CP: variants seen among roughly 807,000 people sequenced by gnomAD.
CP encodes ceruloplasmin.
CP carries 64 observed loss-of-function variants against 122.4 expected under a neutral mutation model. That is an observed-to-expected ratio of 0.52 (90% CI 0.43 to 0.64). CP has a LOEUF of 0.64. Among genes scored for constraint, CP ranks in the 30% least tolerant of loss-of-function variants. The pLI is 0.00. For missense variants in CP, 1,167 were observed against 1,284.4 expected, an observed-to-expected ratio of 0.91 and a Z score of 1.40; for synonymous variants, 440 against 436.4, an observed-to-expected ratio of 1.01 and a Z score of -0.10.
chr3:149,212,308 T>TA (rs1728167250), intron 2 of CP, 143 bp downstream of exon 2: 216 of 838,350 alleles, frequency 2.6e-4, no homozygotes, highest in East Asian at 1.1e-3. Context: ...TCAAAAAAAA[T>TA]TAAAAAAAAA....
intron 9 of CP, among the ~76,000 whole-genome samples, chr3:149,198,163 A>G (rs1238579515): frequency 6.6e-6 from 1 of 152,204 alleles, no homozygotes; most frequent in African/African-American, 2.4e-5. Context: ...TTGATTGGCT[A>G]TTTGATAACT....
intron 14 of CP, 130 bp from the exon 15 acceptor site, chr3:149,179,792 A>G: frequency 4.4e-6 from 3 of 683,110 alleles, no homozygotes; most frequent in African/African-American, 1.8e-5. Flanking sequence ...TGTCAGTGTA[A>G]TTAGTTTTTA....
Position 149,174,669 on chromosome 3 carries a change from A to G in CP, c.3182-939T>C, listed in dbSNP as rs1010677206. ...AATATATAGTCCCTGCCTGTAAGAA[A>G]TTTAAAGCTAAGCAGGCTTTTCTAA... is the stretch of plus-strand genomic sequence containing the variant. On this transcript the variant is annotated intron_variant, in intron 18 of 18. Coordinates refer to ENST00000264613, the MANE Select transcript of CP (RefSeq NM_000096.4). 3.3e-5 allele frequency among the ~76,000 whole-genome samples: 5 copies of G among 152,310 alleles called. No individual in the cohort carries two copies. The East Asian group carries it at 9.6e-4, about 29-fold the overall frequency.
At chr3:149,200,985 CTGTT>C (rs529478658) in intron 7 of CP, among the ~76,000 whole-genome samples, 1 of 152,314 alleles carries the variant, frequency 6.6e-6, no homozygotes, top group East Asian at 1.9e-4. Context: ...AATCCATACT[CTGTT>C]TGCTCACCCA....
intron 9 of CP, among the ~76,000 whole-genome samples, chr3:149,190,019 TAA>T (rs1200458112): frequency 2.0e-5 from 3 of 152,096 alleles, no homozygotes; most frequent in Non-Finnish European, 4.4e-5. Context: ...CTTTTTATCT[TAA>T]GACTAAATAA....
downstream of CP, among the ~76,000 whole-genome samples, chr3:149,171,862 G>A (rs183218623): frequency 3.4e-4 from 52 of 152,038 alleles, no homozygotes; most frequent in East Asian, 8.5e-3. Context: ...GCGCCACCAT[G>A]CCCGGCTAAT....
At chr3:149,172,330 A>T (rs981676141), downstream of CP, 194 of 680,926 alleles carry the variant, frequency 2.8e-4, 4 homozygotes, top group South Asian at 2.7e-3. Flanking sequence ...ACACACACAC[A>T]CACACACACA....
chr3:149,199,315 A>G (rs1367155749), intron 8 of CP, among the ~76,000 whole-genome samples: 3 of 152,206 alleles, frequency 2.0e-5, no homozygotes, highest in African/African-American at 4.8e-5. Flanking sequence ...TTATATAAAA[A>G]TATAAGAGCG....
chr3:149,193,472 G>C (rs562289679), intron 9 of CP, among the ~76,000 whole-genome samples: 1 of 152,186 alleles, frequency 6.6e-6, no homozygotes, highest in South Asian at 2.1e-4. Context: ...ATATGTTTAA[G>C]TGTATAAAGC....
intron 18 of CP, among the ~76,000 whole-genome samples, chr3:149,175,668 T>C (rs970605486): frequency 2.0e-5 from 3 of 151,012 alleles, no homozygotes; most frequent in African/African-American, 7.3e-5. Flanking sequence ...ATTTTAAGTG[T>C]GTGTGTGTGT....
chr3:149,172,053 G>A (rs138521782), downstream of CP: 18,394 of 1,602,100 alleles, frequency 0.011, 129 homozygotes, highest in Middle Eastern at 0.016. Flanking sequence ...TTGAATGAAA[G>A]ACAGACTTTC....
At chr3:149,181,916 G>T in intron 14 of CP, 89 bp downstream of exon 14, 2 of 1,440,758 alleles carry the variant, frequency 1.4e-6, no homozygotes, top group Non-Finnish European at 1.9e-6. Context: ...TCACTTTCTT[G>T]GTCCAGACTC....
chr3:149,187,899 A>G, intron 10 of CP, 153 bp downstream of exon 10: 2 of 765,004 alleles, frequency 2.6e-6, no homozygotes, highest in Non-Finnish European at 4.4e-6. Flanking sequence ...CAGACACATC[A>G]AATAACCAGT....
chr3:149,172,194 A>G (rs1209961720), downstream of CP: 5 of 1,613,446 alleles, frequency 3.1e-6, no homozygotes, highest in Non-Finnish European at 4.2e-6. Context: ...TATCTTCTCT[A>G]TTGCAGTCGA....
intron 14 of CP, 115 bp downstream of exon 14, chr3:149,181,890 A>C: frequency 8.3e-7 from 1 of 1,210,280 alleles, no homozygotes; most frequent in Non-Finnish European, 1.2e-6. Context: ...TCCCCTCTTC[A>C]CAACTACCTC....
In CP at chr3:149,207,428, G is replaced by C. The variant is rs1727812906; in HGVS notation, c.971C>G (p.Ala324Gly). 1 of 1,613,944 alleles carries C rather than the reference G, an allele frequency of 6.2e-7. No homozygotes were observed. The stretch of plus-strand genomic sequence containing the variant: ...TCCAGGGTTCTGGGCCACCATATAA[G>C]CATCAAACAGGGTAGCAGGAAAGAG... ...INLFPATLFDAYMVAQNPGEW... is the reference protein window; with the variant it reads ...INLFPATLFDGYMVAQNPGEW... The change falls in exon 5 of 19, where the codon GCT becomes GGT. Residue 324 changes from alanine to glycine, a missense_variant. Around this residue, in one of 2 missense-constraint regions of CP, gnomAD observed 642 missense variants for 627.3 expected, o/e 1.02. Transcript: ENST00000264613.
downstream of CP, chr3:149,172,012 G>C (rs878859833): frequency 1.4e-6 from 2 of 1,423,184 alleles, no homozygotes; most frequent in Middle Eastern, 4.9e-4. Context: ...GCCTGAACTG[G>C]CTTCTAATTG....
rs781191064 is a variant in CP, at chr3:149,186,473, A to G, written c.2077+47T>C. On this transcript the variant is annotated intron_variant, in intron 11 of 18. Coordinates refer to ENST00000264613, the MANE Select transcript of CP (RefSeq NM_000096.4). ...ATTCTGCTACAGGATTTTAAACCAAAACTACACAAATCCATCCAATAGAGA... is the reference window on the plus strand; with the variant it reads ...ATTCTGCTACAGGATTTTAAACCAAGACTACACAAATCCATCCAATAGAGA... 1.9e-6 allele frequency: 3 copies of G among 1,580,584 alleles called. No homozygotes were observed. The South Asian group carries it at 3.3e-5, about 18-fold the overall frequency.
rs951218650 is a variant in CP at position 149,172,932 on chromosome 3, A to C, written c.*782T>G. ...GCTCTTTTAGCTAGAGTGTATGTGA[A>C]AATAAAGAAATACATCATTGTATTC... On this transcript the variant is annotated 3_prime_UTR_variant, in exon 19 of 19. Transcript: ENST00000264613. The C allele has an allele frequency of 2.0e-5, 3 of 152,636 alleles. No individual in the cohort carries two copies. The highest frequency in any genetic ancestry group is 7.2e-5 in the African/African-American group (3 of 41,466). The allele number at this position is 152,636 out of a possible 1,614,324, so 9.5% of individuals were successfully genotyped here. A position where few individuals can be genotyped will look rare whatever the true frequency, so the allele number is the denominator to read the frequency against.
Sources: allele counts gnomAD v4.1 joint callset (sites outside exome capture counted in the v4.1 genomes callset), GRCh38; gene constraint gnomAD v4.1.1; regional missense constraint gnomAD v4.1.1; transcripts MANE v1.5; gene names NCBI Gene and HGNC (gene_info 2026-07-23, HGNC 2026-07-21).